ATP8A2: variants seen among roughly 807,000 people sequenced by gnomAD.
ATP8A2 encodes ATPase phospholipid transporting 8A2, also known as phospholipid-transporting ATPase IB.
ATP8A2 carries 100 observed loss-of-function variants against 165.6 expected under a neutral mutation model. The ratio of observed to expected loss-of-function variants is 0.60; its 90% confidence interval spans 0.51 to 0.71. ATP8A2 has a LOEUF of 0.71. Ranked by LOEUF, ATP8A2 falls within the 30% of genes least tolerant of loss-of-function variation. The pLI is 0.00. For missense variants in ATP8A2, 1,227 were observed against 1,479.5 expected (o/e 0.83, Z 2.80); for synonymous variants, 543 against 548.8 (o/e 0.99, Z 0.15).
At chr13:25,817,293 T>C (rs1951049079) in intron 27 of ATP8A2, among the ~76,000 whole-genome samples, 1 of 149,018 alleles carries the variant, frequency 6.7e-6, no homozygotes, top group Non-Finnish European at 1.5e-5. Context: ...CAAGAATTTC[T>C]TATTAAAAAT....
At chr13:25,645,516 G>A (rs2041649520) in intron 24 of ATP8A2, among the ~76,000 whole-genome samples, 1 of 152,102 alleles carries the variant, frequency 6.6e-6, no homozygotes, top group Non-Finnish European at 1.5e-5. Context: ...TTGTTTCTCT[G>A]AGATCATTCT....
intron 1 of ATP8A2, among the ~76,000 whole-genome samples, chr13:25,399,761 TTCC>T (rs1305270292): frequency 3.3e-5 from 5 of 150,896 alleles, no homozygotes; most frequent in East Asian, 2.0e-4. Context: ...CCTTCTCCTC[TTCC>T]TCCTCCTCCT....
At chr13:26,008,198 G>C (rs542146674) in intron 35 of ATP8A2, among the ~76,000 whole-genome samples, 2 of 152,220 alleles carry the variant, frequency 1.3e-5, no homozygotes, top group South Asian at 4.1e-4. Flanking sequence ...ACTAAGGATA[G>C]GAAAATTAGC....
At chr13:25,676,935 C>A (rs1172315539) in intron 24 of ATP8A2, among the ~76,000 whole-genome samples, 1 of 152,104 alleles carries the variant, frequency 6.6e-6, no homozygotes, top group African/African-American at 2.4e-5. Context: ...ATTTAGGAAA[C>A]CTCTAACTTC....
chr13:25,826,587 T>C (rs1033897413), intron 27 of ATP8A2, among the ~76,000 whole-genome samples: 2 of 152,092 alleles, frequency 1.3e-5, no homozygotes, highest in African/African-American at 2.4e-5. Flanking sequence ...AGTACCAGAG[T>C]TGACCTCAAC....
At chr13:25,773,338 G>A (rs1003412899) in intron 26 of ATP8A2, among the ~76,000 whole-genome samples, 1 of 152,162 alleles carries the variant, frequency 6.6e-6, no homozygotes, top group African/African-American at 2.4e-5. Flanking sequence ...GCACATTTAT[G>A]CCAGAGCAGG....
At chr13:25,533,527 C>T (rs533048520) in intron 6 of ATP8A2, among the ~76,000 whole-genome samples, 11 of 152,296 alleles carry the variant, frequency 7.2e-5, no homozygotes, top group East Asian at 5.8e-4. Context: ...TCCTGAGTGA[C>T]GTTTCTGAAA....
intron 2 of ATP8A2, among the ~76,000 whole-genome samples, chr13:25,507,351 C>T (rs1226528959): frequency 2.6e-5 from 4 of 151,652 alleles, no homozygotes; most frequent in East Asian, 1.9e-4. Flanking sequence ...CTGCAGTCTC[C>T]GCCTCCCAGG....
intron 24 of ATP8A2, among the ~76,000 whole-genome samples, chr13:25,673,199 C>T (rs934839808): frequency 1.3e-5 from 2 of 152,218 alleles, no homozygotes; most frequent in African/African-American, 4.8e-5. Context: ...TCCTCCGCCT[C>T]TCACTGTTCC....
At chr13:25,610,401 C>T (rs1013777089) in intron 24 of ATP8A2, among the ~76,000 whole-genome samples, 13 of 151,980 alleles carry the variant, frequency 8.6e-5, no homozygotes, top group Admixed American at 2.6e-4. Flanking sequence ...TTTTTCTTTG[C>T]TTTGTCGAGG....
At chr13:25,884,407 T>C (rs923468269) in intron 33 of ATP8A2, among the ~76,000 whole-genome samples, 5 of 152,164 alleles carry the variant, frequency 3.3e-5, no homozygotes, top group Non-Finnish European at 7.3e-5. Flanking sequence ...GCCAATTTGT[T>C]TGTGGATAAA....
chr13:25,465,907 G>A (rs1368628062), intron 1 of ATP8A2, among the ~76,000 whole-genome samples: 4 of 151,344 alleles, frequency 2.6e-5, no homozygotes, highest in Admixed American at 1.3e-4. Context: ...TTACAGGCAT[G>A]AGCCACCATG....
chr13:25,647,013 C>G (rs939670017), intron 24 of ATP8A2, among the ~76,000 whole-genome samples: 1 of 152,216 alleles, frequency 6.6e-6, no homozygotes, highest in Non-Finnish European at 1.5e-5. Context: ...CACTACACTT[C>G]TCTTTCCCCC....
intron 25 of ATP8A2, among the ~76,000 whole-genome samples, chr13:25,722,678 T>G (rs2043407170): frequency 6.6e-6 from 1 of 152,236 alleles, no homozygotes; most frequent in East Asian, 1.9e-4. Context: ...TTTTGACTTT[T>G]GTCTGTGTGT....
At chr13:25,831,216 CTT>C (rs71759758) in intron 28 of ATP8A2, among the ~76,000 whole-genome samples, 11 of 133,456 alleles carry the variant, frequency 8.2e-5, no homozygotes, top group Non-Finnish European at 9.4e-5. Context: ...AACTAATTTT[CTT>C]TTTTTTTTTT....
At chr13:25,811,051 T>A (rs1950856089) in intron 27 of ATP8A2, among the ~76,000 whole-genome samples, 1 of 76,464 alleles carries the variant, frequency 1.3e-5, no homozygotes, top group Non-Finnish European at 2.5e-5. Flanking sequence ...ATTTTTGTCA[T>A]TTGCCTCCCT....
chr13:25,394,368 CT>C (rs2033348296), intron 1 of ATP8A2, among the ~76,000 whole-genome samples: 1 of 152,152 alleles, frequency 6.6e-6, no homozygotes, highest in African/African-American at 2.4e-5. Context: ...CATAAACTTG[CT>C]TTGTGTAATT....
At chr13:25,711,563 T>A (rs535794955) in intron 25 of ATP8A2, among the ~76,000 whole-genome samples, 258 of 109,618 alleles carry the variant, frequency 2.4e-3, no homozygotes, top group East Asian at 0.014. Flanking sequence ...AAAAAAAAAA[T>A]TTTTTTTAAA....
At chr13:25,809,386 C>T (rs547395934) in intron 27 of ATP8A2, among the ~76,000 whole-genome samples, 4 of 152,248 alleles carry the variant, frequency 2.6e-5, no homozygotes, top group African/African-American at 9.6e-5. Flanking sequence ...ATCTATATTG[C>T]TTTGCCCTTT....
Sources: gnomAD v4.1 joint callset for allele counts (sites outside exome capture counted in the v4.1 genomes callset) on GRCh38, gnomAD v4.1.1 for gene constraint, MANE v1.5 for transcripts, NCBI Gene and HGNC (gene_info 2026-07-23, HGNC 2026-07-21) for gene names.